The following RARB variants were observed in gnomAD, a reference collection of about 807,000 sequenced individuals.
RARB encodes retinoic acid receptor beta, also known as HBV-activated protein.
In RARB, 17 loss-of-function variants were observed where a neutral mutation model predicts 51.9. The observed-to-expected ratio is 0.33, with a 90% confidence interval of 0.22 to 0.49. The LOEUF is 0.49. Ranked by LOEUF, RARB falls within the 20% of genes least tolerant of loss-of-function variation. The probability of loss-of-function intolerance (pLI) is 0.99; values close to 1 mark genes in which losing one functional copy is unlikely to be tolerated. For missense variants in RARB, 369 were observed against 550.8 expected, an observed-to-expected ratio of 0.67 and a Z score of 3.30; for synonymous variants, 215 against 195.4, an observed-to-expected ratio of 1.10 and a Z score of -0.84.
At chr3:25,328,880 C>T (rs538514549) in intron 5 of RARB, among the ~76,000 whole-genome samples, 6 of 152,288 alleles carry the variant, frequency 3.9e-5, no homozygotes, top group East Asian at 1.9e-4. Flanking sequence ...GATTATGTCC[C>T]GTGCCTGGCT....
chr3:24,879,580 C>G (rs4342074), intron 2 of RARB, among the ~76,000 whole-genome samples: 51,080 of 147,840 alleles, frequency 0.35, 10,822 homozygotes, highest in Non-Finnish European at 0.46. Flanking sequence ...TCCCAGCACT[C>G]TGGGAGGCCA....
intron 4 of RARB, among the ~76,000 whole-genome samples, chr3:25,147,975 C>G (rs1366702980): frequency 6.6e-6 from 1 of 152,214 alleles, no homozygotes; most frequent in Admixed American, 6.5e-5. Context: ...ATTGGAGGGT[C>G]TGGGGTCTTT....
intron 2 of RARB, among the ~76,000 whole-genome samples, chr3:25,470,768 T>G (rs1323903930): frequency 6.6e-6 from 1 of 152,184 alleles, no homozygotes; most frequent in East Asian, 1.9e-4. Flanking sequence ...TCTTTTACAT[T>G]TGCTGTTGTT....
intron 4 of RARB, among the ~76,000 whole-genome samples, chr3:25,158,826 T>C (rs1700422978): frequency 1.3e-5 from 2 of 152,186 alleles, no homozygotes; most frequent in South Asian, 4.1e-4. Context: ...CCAAACTGCT[T>C]CCCAGTAGAG....
chr3:24,994,195 A>C (rs748974546), intron 2 of RARB, among the ~76,000 whole-genome samples: 19 of 152,154 alleles, frequency 1.2e-4, no homozygotes, highest in Non-Finnish European at 2.4e-4. Flanking sequence ...AATAATAGCC[A>C]TTCTAACTAG....
At chr3:25,561,338 C>A (rs1440587523) in intron 3 of RARB, among the ~76,000 whole-genome samples, 1 of 152,160 alleles carries the variant, frequency 6.6e-6, no homozygotes, top group South Asian at 2.1e-4. Flanking sequence ...CATTTGGGCA[C>A]GTGTTACTGT....
At chr3:25,017,637 T>A (rs897361749) in intron 2 of RARB, among the ~76,000 whole-genome samples, 29 of 152,332 alleles carry the variant, frequency 1.9e-4, no homozygotes, top group South Asian at 6.2e-4. Flanking sequence ...GGAAGACAGC[T>A]TGTTAAGACT....
chr3:25,540,872 G>A (rs577340019), intron 3 of RARB, among the ~76,000 whole-genome samples: 1 of 141,084 alleles, frequency 7.1e-6, no homozygotes, highest in South Asian at 2.2e-4. Flanking sequence ...TCAGGTCATG[G>A]TGGGGGCTTC....
intron 5 of RARB, among the ~76,000 whole-genome samples, chr3:25,587,195 T>C (rs959568729): frequency 7.2e-5 from 11 of 152,022 alleles, no homozygotes; most frequent in African/African-American, 2.2e-4. Context: ...ACATAGTAAG[T>C]GTTCCTTTAA....
At chr3:25,508,791 C>G (rs1422914322) in intron 3 of RARB, among the ~76,000 whole-genome samples, 1 of 151,956 alleles carries the variant, frequency 6.6e-6, no homozygotes, top group Non-Finnish European at 1.5e-5. Context: ...TGGAAACTTC[C>G]TACTTTTATA....
intron 3 of RARB, among the ~76,000 whole-genome samples, chr3:25,128,369 C>A (rs1699893731): frequency 6.7e-6 from 1 of 150,218 alleles, no homozygotes; most frequent in African/African-American, 2.4e-5. Flanking sequence ...CCTAGACTTA[C>A]ATGAAATTAT....
chr3:25,027,331 C>G (rs1233041221), intron 2 of RARB, among the ~76,000 whole-genome samples: 3 of 152,136 alleles, frequency 2.0e-5, no homozygotes, highest in Admixed American at 6.5e-5. Context: ...ACCTGAATTC[C>G]TATCCTGGTT....
At chr3:25,243,413 T>C (rs543773286) in intron 5 of RARB, among the ~76,000 whole-genome samples, 1 of 152,316 alleles carries the variant, frequency 6.6e-6, no homozygotes, top group East Asian at 1.9e-4. Flanking sequence ...GGTTCCAGCT[T>C]ATGCCCATTC....
At chr3:25,026,567 C>T (rs748998358) in intron 2 of RARB, among the ~76,000 whole-genome samples, 2 of 152,188 alleles carry the variant, frequency 1.3e-5, no homozygotes, top group Non-Finnish European at 2.9e-5. Context: ...TTAGGGTCTA[C>T]TCATATGATC....
At chr3:25,501,074 C>T (rs766553729) in intron 2 of RARB, 108 bp from the exon 3 acceptor site, 3 of 1,291,464 alleles carry the variant, frequency 2.3e-6, no homozygotes, top group South Asian at 1.7e-5. Flanking sequence ...CTGCTGCCAT[C>T]ACTTCGTTAC....
intron 1 of RARB, among the ~76,000 whole-genome samples, chr3:24,844,898 C>G (rs1702467567): frequency 6.6e-6 from 1 of 152,172 alleles, no homozygotes; most frequent in Admixed American, 6.5e-5. Flanking sequence ...CATCCCACCT[C>G]ACTTTCCAAG....
chr3:25,376,979 C>A (rs1706479077), intron 5 of RARB, among the ~76,000 whole-genome samples: 1 of 152,156 alleles, frequency 6.6e-6, no homozygotes. Context: ...TAATAAATGA[C>A]AAATGCTTTG....
intron 2 of RARB, among the ~76,000 whole-genome samples, chr3:25,048,837 GCT>G (rs1698269305): frequency 7.2e-6 from 1 of 138,264 alleles, no homozygotes; most frequent in African/African-American, 2.7e-5. Context: ...CTCACTGCAA[GCT>G]CCGCCTCCCG....
chr3:25,522,244 T>C (rs1698433556), intron 3 of RARB, among the ~76,000 whole-genome samples: 1 of 152,132 alleles, frequency 6.6e-6, no homozygotes, highest in Non-Finnish European at 1.5e-5. Flanking sequence ...CATGGACATG[T>C]AGACTTAAAA....
Sources: gnomAD v4.1 joint callset for allele counts (sites outside exome capture counted in the v4.1 genomes callset) on GRCh38, gnomAD v4.1.1 for gene constraint, MANE v1.5 for transcripts, NCBI Gene and HGNC (gene_info 2026-07-23, HGNC 2026-07-21) for gene names.